Variants in PRKDC observed in about 807,000 individuals in gnomAD.
The protein encoded by PRKDC is protein kinase, DNA-activated, catalytic subunit.
A neutral mutation model predicts 486.9 loss-of-function variants in PRKDC; 82 were observed. The observed-to-expected ratio is 0.17, with a 90% CI of 0.14 to 0.20. The LOEUF (loss-of-function observed/expected upper bound fraction) is 0.20, where lower values mean the gene tolerates loss of function less well. Among genes scored for constraint, PRKDC ranks in the 10% least tolerant of loss-of-function variants. The pLI is 1.00. For missense variants in PRKDC, 4,504 were observed against 5,038.2 expected, an observed-to-expected ratio of 0.89 and a Z score of 3.21; for synonymous variants, 1,895 against 1,837.0, an observed-to-expected ratio of 1.03 and a Z score of -0.81.
At chr8:47,944,602 T>C (rs968904626) in intron 7 of PRKDC, among the ~76,000 whole-genome samples, 10 of 151,644 alleles carry the variant, frequency 6.6e-5, no homozygotes, top group Admixed American at 1.3e-4. Flanking sequence ...AAAGGGAAGA[T>C]AAAACAGGCA....
At chr8:47,799,518 T>A (rs906137791) in intron 71 of PRKDC, 128 bp from the exon 72 acceptor site, 2 of 970,930 alleles carry the variant, frequency 2.1e-6, no homozygotes, top group Non-Finnish European at 2.8e-6. Flanking sequence ...GCTATGGAAC[T>A]GGAAAAACAA....
chr8:47,800,497 T>C (rs2087082195), intron 71 of PRKDC, among the ~76,000 whole-genome samples: 1 of 151,854 alleles, frequency 6.6e-6, no homozygotes, highest in Non-Finnish European at 1.5e-5. Context: ...TTAGGAGATA[T>C]ACCTAATGCT....
intron 40 of PRKDC, among the ~76,000 whole-genome samples, chr8:47,872,132 G>A (rs556533769): frequency 1.0e-3 from 152 of 152,218 alleles, no homozygotes; most frequent in South Asian, 3.3e-3. Flanking sequence ...TTTAAAAAGC[G>A]GAAGATGAGA....
chr8:47,872,494 A>G (rs2088976626), intron 40 of PRKDC, among the ~76,000 whole-genome samples: 2 of 146,780 alleles, frequency 1.4e-5, no homozygotes, highest in East Asian at 2.0e-4. Context: ...AAACTGATAT[A>G]AAAAAGTAAA....
At chr8:47,913,191 C>G (rs1265078881) in intron 24 of PRKDC, among the ~76,000 whole-genome samples, 1 of 152,188 alleles carries the variant, frequency 6.6e-6, no homozygotes, top group East Asian at 1.9e-4. Flanking sequence ...ATTTGCTACA[C>G]TGAGATATTA....
intron 25 of PRKDC, among the ~76,000 whole-genome samples, chr8:47,908,674 G>T (rs2089838633): frequency 6.6e-6 from 1 of 152,128 alleles, no homozygotes; most frequent in Admixed American, 6.5e-5. Context: ...CTTTACAGAG[G>T]ATCTAACATC....
At chr8:47,950,917 G>C in intron 7 of PRKDC, among the ~76,000 whole-genome samples, 1 of 152,180 alleles carries the variant, frequency 6.6e-6, no homozygotes, top group African/African-American at 2.4e-5. Flanking sequence ...CAAGACTGCA[G>C]TGAGCCATGA....
At chr8:47,890,510 T>C (rs2089436839) in intron 31 of PRKDC, 30 bp from the exon 32 acceptor site, 2 of 1,448,534 alleles carry the variant, frequency 1.4e-6, no homozygotes, top group East Asian at 2.5e-5. Flanking sequence ...AGTATTAATA[T>C]ATGCTTCCTT....
rs570298353 is a variant in PRKDC at position 47,862,927 on chromosome 8, C to T, written c.5751-386G>A. On this transcript the variant is annotated intron_variant, in intron 42 of 85. Transcript: ENST00000314191. ...TTGTTTGGTGATGCAAAATGTGATA[C>T]GGCAAAAGTCTGTGTTCAATATTTA... Among the ~76,000 whole-genome samples the T allele has an allele frequency of 6.6e-5, 10 of 152,186 alleles. No individual in the cohort carries two copies. In the South Asian group the frequency reaches 1.7e-3, roughly 25 times the overall value.
intron 40 of PRKDC, among the ~76,000 whole-genome samples, chr8:47,870,141 T>C (rs188201604): frequency 1.3e-5 from 2 of 152,026 alleles, no homozygotes; most frequent in African/African-American, 2.4e-5. Context: ...CAAGACTGGC[T>C]AGATTTGCCT....
intron 34 of PRKDC, among the ~76,000 whole-genome samples, chr8:47,888,172 C>T (rs1187037592): frequency 6.6e-6 from 1 of 152,220 alleles, no homozygotes; most frequent in African/African-American, 2.4e-5. Context: ...GCCACTGTAT[C>T]TGGCTCAACC....
chr8:47,856,111 T>G (rs1458295673), intron 49 of PRKDC, among the ~76,000 whole-genome samples: 3 of 152,222 alleles, frequency 2.0e-5, no homozygotes, highest in African/African-American at 7.2e-5. Flanking sequence ...GAAAACAAAG[T>G]ATTTCATTAC....
chr8:47,787,031 T>C (rs944134393), intron 76 of PRKDC, among the ~76,000 whole-genome samples: 2 of 152,174 alleles, frequency 1.3e-5, no homozygotes, highest in African/African-American at 4.8e-5. Context: ...CCAGCAGATA[T>C]GTTTATTTCT....
In PRKDC at chr8:47,803,537, G is replaced by T. The variant is rs1172690707; in HGVS notation, c.9748-57C>A. 1.9e-6 allele frequency: 3 copies of T among 1,549,240 alleles called. No individual in the cohort carries two copies. In the South Asian group the frequency reaches 3.4e-5, roughly 17 times the overall value. ...GTATGATGATACACAAGTGACAGAA[G>T]TTTCTAATTGGCCTGCTTCCCCCTT... On this transcript the variant is annotated intron_variant, in intron 69 of 85. Coordinates refer to ENST00000314191, the MANE Select transcript of PRKDC (RefSeq NM_006904.7).
At chr8:47,939,296 A>G (rs1272279294) in intron 11 of PRKDC, among the ~76,000 whole-genome samples, 1 of 152,220 alleles carries the variant, frequency 6.6e-6, no homozygotes, top group African/African-American at 2.4e-5. Context: ...CAAGTCCCAC[A>G]GTCACCCTGT....
intron 83 of PRKDC, among the ~76,000 whole-genome samples, chr8:47,778,229 G>A (rs914931646): frequency 2.6e-5 from 4 of 152,084 alleles, no homozygotes; most frequent in East Asian, 1.9e-4. Context: ...TTTGATCTGC[G>A]AACACATTTA....
At chr8:47,891,155 C>T (rs1042870417) in intron 31 of PRKDC, among the ~76,000 whole-genome samples, 1 of 152,186 alleles carries the variant, frequency 6.6e-6, no homozygotes, top group Non-Finnish European at 1.5e-5. Flanking sequence ...GACAGACCCA[C>T]CCTCACCTCT....
rs1361086853 is a variant in PRKDC, at chr8:47,862,182, C to T, written c.5920-55G>A. 5.5e-6 allele frequency: 8 copies of T among 1,465,220 alleles called. No individual in the cohort carries two copies. The East Asian group carries it at 1.7e-4, about 32-fold the overall frequency. 90.8% of individuals were successfully genotyped at this position (1,465,220 alleles called of 1,614,324 possible). Reference sequence around the variant, plus strand: ...GCTGAATGGTGAAGATCCTCATAATCGATGTTACTTTAGAATTAATGCTAT... The same window carrying T: ...GCTGAATGGTGAAGATCCTCATAATTGATGTTACTTTAGAATTAATGCTAT... On this transcript the variant is annotated intron_variant, in intron 43 of 85. Transcript: ENST00000314191.
At chr8:47,857,990 CT>C (rs900942669) in intron 48 of PRKDC, among the ~76,000 whole-genome samples, 2 of 152,136 alleles carry the variant, frequency 1.3e-5, no homozygotes, top group Non-Finnish European at 2.9e-5. Context: ...TGCAGACCTG[CT>C]TGGCTCACCC....
Sources: allele counts gnomAD v4.1 joint callset (sites outside exome capture counted in the v4.1 genomes callset), GRCh38; gene constraint gnomAD v4.1.1; transcripts MANE v1.5; gene names NCBI Gene and HGNC (gene_info 2026-07-23, HGNC 2026-07-21).